Variants in KCNK12 observed in about 807,000 individuals in gnomAD.
KCNK12 encodes the protein potassium two pore domain channel subfamily K member 12, also known as potassium channel subfamily K member 12.
Under a neutral mutation model 25.3 loss-of-function variants are expected in KCNK12, and 6 were observed. That is an observed-to-expected ratio of 0.24 (90% CI 0.13 to 0.47). KCNK12 has a LOEUF of 0.47. Ranked by LOEUF, KCNK12 falls within the 20% of genes least tolerant of loss-of-function variation. The pLI is 0.99. For synonymous variants in KCNK12, 331 were observed against 311.1 expected, an observed-to-expected ratio of 1.06 and a Z score of -0.67; for missense variants, 444 against 661.7, an observed-to-expected ratio of 0.67 and a Z score of 3.61.
chr2:47,553,737 C>T (rs762517924), intron 1 of KCNK12, among the ~76,000 whole-genome samples: 4 of 152,180 alleles, frequency 2.6e-5, no homozygotes, highest in Non-Finnish European at 5.9e-5. Context: ...TAAATGTTTC[C>T]ACCTGGCTTT....
intron 1 of KCNK12, chr2:47,563,082 A>G: frequency 4.3e-6 from 1 of 233,334 alleles, no homozygotes; most frequent in East Asian, 6.0e-5. Flanking sequence ...GCAGCCAAAC[A>G]AGGCATGGGA....
chr2:47,549,267 C>T (rs1233972219), intron 1 of KCNK12, among the ~76,000 whole-genome samples: 1 of 152,146 alleles, frequency 6.6e-6, no homozygotes, highest in Non-Finnish European at 1.5e-5. Context: ...GAAAAGACTC[C>T]TTTAGACCTG....
In KCNK12 at chr2:47,551,666, C is replaced by T. The variant is rs1025238835; in HGVS notation, c.391+18275G>A. Among the ~76,000 whole-genome samples the T allele has an allele frequency of 2.6e-5, 4 of 152,182 alleles. No homozygotes were observed. Among genetic ancestry groups the T allele is most frequent in the African/African-American group, 9.7e-5 (4 of 41,450 alleles). The stretch of plus-strand genomic sequence containing the variant: ...ATGACGTGTGAAATCAGTATTACCC[C>T]CTACCCCACACGGCACCATATTTTT... On this transcript the variant is annotated intron_variant, in intron 1 of 1. Coordinates refer to ENST00000327876, the MANE Select transcript of KCNK12 (RefSeq NM_022055.2). This position sits in a 1 kb window ranked among gnomAD's most constrained non-coding sequence, Gnocchi z 5.3.
chr2:47,511,174 T>C lies in KCNK12; in HGVS notation c.*9733A>G, dbSNP rs2104656031. 6.6e-6 allele frequency among the ~76,000 whole-genome samples: 1 copy of C among 152,312 alleles called. No individual in the cohort carries two copies. Among genetic ancestry groups the C allele is most frequent in the African/African-American group, 2.4e-5 (1 of 41,572 alleles). On this transcript the variant is annotated 3_prime_UTR_variant, in exon 2 of 2. Coordinates refer to ENST00000327876, the MANE Select transcript of KCNK12 (RefSeq NM_022055.2). This position sits in a 1 kb window ranked among gnomAD's most constrained non-coding sequence, Gnocchi z 4.3. ...GGGCTAGCAGGAAGGATATCTGGCT[T>C]TTGCTTGAATTAGCTAGTGAATTGC... is the stretch of plus-strand genomic sequence containing the variant.
intron 1 of KCNK12, among the ~76,000 whole-genome samples, chr2:47,523,996 A>G (rs1199059501): frequency 1.3e-5 from 2 of 152,232 alleles, no homozygotes; most frequent in Admixed American, 1.3e-4. Flanking sequence ...ATGTGCTAAC[A>G]ATCATTTTCT....
rs1323595706 is a variant in KCNK12 at position 47,533,449 on chromosome 2, C to T, written c.392-11641G>A. On this transcript the variant is annotated intron_variant, in intron 1 of 1. Transcript: ENST00000327876. This position sits in a 1 kb window ranked among gnomAD's most constrained non-coding sequence, Gnocchi z 4.7. Reference sequence around the variant, plus strand: ...GAAGCACGATGGGTGAGGCATGGACCTTATTTCACAGCAAAGTGGCTCAGG... The same window carrying T: ...GAAGCACGATGGGTGAGGCATGGACTTTATTTCACAGCAAAGTGGCTCAGG... Among the ~76,000 whole-genome samples the T allele has an allele frequency of 3.3e-5, 5 of 152,202 alleles. No homozygotes were observed. In the South Asian group the frequency reaches 6.2e-4, roughly 19 times the overall value.
intron 1 of KCNK12, among the ~76,000 whole-genome samples, chr2:47,535,787 A>T (rs1253863055): frequency 6.6e-6 from 1 of 152,094 alleles, no homozygotes; most frequent in Non-Finnish European, 1.5e-5. Context: ...TTTCCCTGAG[A>T]TGAGCATTCA....
chr2:47,543,787 T>G (rs1351287518), intron 1 of KCNK12: 1 of 152,234 alleles, frequency 6.6e-6, no homozygotes, highest in Non-Finnish European at 1.5e-5. Context: ...CCACTGTCAC[T>G]ATAATTCTGG....
Position 47,540,636 on chromosome 2 carries a change from A to G in KCNK12, c.392-18828T>C, listed in dbSNP as rs906516180. On this transcript the variant is annotated intron_variant, in intron 1 of 1. Transcript: ENST00000327876. The surrounding 1 kb of genome is among the most constrained non-coding windows in gnomAD (Gnocchi z 5.4). The stretch of plus-strand genomic sequence containing the variant: ...TCACTGCCGATGTCTCTCTTTAAAG[A>G]TCTGTTAGGCTAGGCACGGTGGCTT... 8.5e-5 allele frequency among the ~76,000 whole-genome samples: 13 copies of G among 152,108 alleles called. No homozygotes were observed. The highest frequency in any genetic ancestry group is 3.1e-4 in the African/African-American group (13 of 41,416).
At chr2:47,568,857 C>G (rs1669833480) in intron 1 of KCNK12, among the ~76,000 whole-genome samples, 1 of 152,164 alleles carries the variant, frequency 6.6e-6, no homozygotes. Flanking sequence ...AGTGGGGGGA[C>G]ACACACAGCC....
chr2:47,514,533 A>G lies in KCNK12; in HGVS notation c.*6374T>C, dbSNP rs1445435347. On this transcript the variant is annotated 3_prime_UTR_variant, in exon 2 of 2. Transcript: ENST00000327876. This position sits in a 1 kb window ranked among gnomAD's most constrained non-coding sequence, Gnocchi z 5.0. ...AAGATTGGCCAGGGGATTAAATAAGATAAATATGCAAGTCTCTTATCTGGG... is the reference window on the plus strand; with the variant it reads ...AAGATTGGCCAGGGGATTAAATAAGGTAAATATGCAAGTCTCTTATCTGGG... Among the ~76,000 whole-genome samples the G allele has an allele frequency of 3.3e-5, 5 of 152,202 alleles. No individual in the cohort carries two copies. In the South Asian group the frequency reaches 6.2e-4, roughly 19 times the overall value.
At position 47,514,407 on chromosome 2, in the gene KCNK12, G is replaced by A. The variant is rs955098420; in HGVS notation, c.*6500C>T. 6.6e-6 allele frequency among the ~76,000 whole-genome samples: 1 copy of A among 152,156 alleles called. No individual in the cohort carries two copies. Among genetic ancestry groups the A allele is most frequent in the Non-Finnish European group, 1.5e-5 (1 of 68,032 alleles). On this transcript the variant is annotated 3_prime_UTR_variant, in exon 2 of 2. Transcript: ENST00000327876. The surrounding 1 kb of genome is among the most constrained non-coding windows in gnomAD (Gnocchi z 5.0). ...GGGCGGTCCTGTCTTTCTCACCCTT[G>A]TCTCTCCAGCCCCTAACACAGGGGA... is the stretch of plus-strand genomic sequence containing the variant.
intron 1 of KCNK12, among the ~76,000 whole-genome samples, chr2:47,567,631 C>T (rs867259551): frequency 6.6e-6 from 1 of 152,346 alleles, no homozygotes; most frequent in African/African-American, 2.4e-5. Flanking sequence ...GACCCTGCTA[C>T]TTTTGTGGCT....
At chr2:47,544,274 A>G (rs955620382) in intron 1 of KCNK12, among the ~76,000 whole-genome samples, 3 of 152,220 alleles carry the variant, frequency 2.0e-5, no homozygotes, top group Admixed American at 1.3e-4. Flanking sequence ...CAGGCTTGGT[A>G]CAGTCTCAGC....
chr2:47,530,415 C>A (rs1668893638), intron 1 of KCNK12, among the ~76,000 whole-genome samples: 1 of 152,086 alleles, frequency 6.6e-6, no homozygotes, highest in Non-Finnish European at 1.5e-5. Context: ...CATGTCACAC[C>A]CCCGGGGAGG....
rs572870504 is a variant in KCNK12, at chr2:47,509,976, C to T, written c.*10931G>A. 3.9e-5 allele frequency: 6 copies of T among 152,326 alleles called. No homozygotes were observed. Among genetic ancestry groups the T allele is most frequent in the African/African-American group, 1.4e-4 (6 of 41,544 alleles). 9.4% of individuals were successfully genotyped at this position (152,326 alleles called of 1,614,324 possible). A position where few individuals can be genotyped will look rare whatever the true frequency, so the allele number is the denominator to read the frequency against. On this transcript the variant is annotated 3_prime_UTR_variant, in exon 2 of 2. Transcript: ENST00000327876. ...TTCACACCCATCCCAATCCCCTCCC[C>T]CTTGCTGTCCTCTTGTACAGAGGAC...
At chr2:47,526,294 T>C (rs1335838852) in intron 1 of KCNK12, among the ~76,000 whole-genome samples, 2 of 148,584 alleles carry the variant, frequency 1.3e-5, no homozygotes, top group Non-Finnish European at 3.0e-5. Flanking sequence ...TAGTCCCAGC[T>C]ACTCGGGAGG....
In KCNK12 at chr2:47,514,413, C is replaced by T. The variant is rs1668476274; in HGVS notation, c.*6494G>A. On this transcript the variant is annotated 3_prime_UTR_variant, in exon 2 of 2. Coordinates refer to ENST00000327876, the MANE Select transcript of KCNK12 (RefSeq NM_022055.2). The surrounding 1 kb of genome is among the most constrained non-coding windows in gnomAD (Gnocchi z 5.0). ...TCCTGTCTTTCTCACCCTTGTCTCT[C>T]CAGCCCCTAACACAGGGGATGCCTG... 6.6e-6 allele frequency among the ~76,000 whole-genome samples: 1 copy of T among 152,208 alleles called. No homozygotes were observed. The highest frequency in any genetic ancestry group is 2.1e-4 in the South Asian group (1 of 4,836).
In KCNK12 at chr2:47,557,550, C is replaced by T. The variant is rs1213631920; in HGVS notation, c.391+12391G>A. 1.3e-5 allele frequency among the ~76,000 whole-genome samples: 2 copies of T among 152,118 alleles called. No individual in the cohort carries two copies. The highest frequency in any genetic ancestry group is 2.9e-5 in the Non-Finnish European group (2 of 68,028). The stretch of plus-strand genomic sequence containing the variant: ...AGGGCCCCCAGCATTCTCTCCCTAA[C>T]CACTACATTGTACTGCAAATTGTCA... On this transcript the variant is annotated intron_variant, in intron 1 of 1. Transcript: ENST00000327876. The surrounding 1 kb of genome is among the most constrained non-coding windows in gnomAD (Gnocchi z 4.9).
Sources: gnomAD v4.1 joint callset for allele counts (sites outside exome capture counted in the v4.1 genomes callset) on GRCh38, gnomAD v4.1.1 for gene constraint, Gnocchi (gnomAD v3.1) non-coding constraint, MANE v1.5 for transcripts, NCBI Gene and HGNC (gene_info 2026-07-23, HGNC 2026-07-21) for gene names.